The following PRKCB variants were observed in gnomAD, a reference collection of about 807,000 sequenced individuals.
PRKCB encodes protein kinase C beta, also known as protein kinase C beta type.
In PRKCB, 13 loss-of-function variants were observed where a neutral mutation model predicts 81.5. The ratio of observed to expected loss-of-function variants is 0.16; its 90% confidence interval spans 0.10 to 0.25. The LOEUF is 0.25. PRKCB is among the 10% of genes least tolerant of loss of function. PRKCB has a pLI of 1.00. For missense variants in PRKCB, 509 were observed against 875.7 expected, an observed-to-expected ratio of 0.58 and a Z score of 5.29; for synonymous variants, 335 against 321.4, an observed-to-expected ratio of 1.04 and a Z score of -0.45.
rs201855972 is a variant in PRKCB, at chr16:24,154,856, T to G, written c.1238T>G (p.Met413Arg). 1 of 1,613,190 alleles carries G rather than the reference T, an allele frequency of 6.2e-7. No homozygotes were observed. Among genetic ancestry groups the G allele is most frequent in the African/African-American group, 1.3e-5 (1 of 75,050 alleles). ...LTQLHSCFQT[M>R]DRLYFVMEYV... ...CAGCTCCACTCCTGCTTCCAGACCATGGTAACTTGTCCCATGGCCCTGGGT... is the reference window on the plus strand; with the variant it reads ...CAGCTCCACTCCTGCTTCCAGACCAGGGTAACTTGTCCCATGGCCCTGGGT... Residue 413 changes from methionine to arginine, a missense_variant and splice_region_variant, in exon 10 of 17, where the codon ATG becomes AGG. Physicochemically the swap from Met to Arg is moderately conservative, Grantham distance 91. Around this residue, in one of 6 missense-constraint regions of PRKCB, gnomAD observed 106 missense variants for 214.0 expected, o/e 0.50. Transcript: ENST00000643927.
intron 2 of PRKCB, among the ~76,000 whole-genome samples, chr16:23,938,023 A>C (rs921581131): frequency 4.6e-5 from 7 of 152,206 alleles, no homozygotes; most frequent in Admixed American, 4.6e-4. Context: ...AGAGAGCTGC[A>C]GTGGATGAGT....
intron 2 of PRKCB, among the ~76,000 whole-genome samples, chr16:23,922,837 T>C (rs921557833): frequency 1.1e-4 from 17 of 152,178 alleles, no homozygotes; most frequent in African/African-American, 4.1e-4. Context: ...ATGGGTAGAA[T>C]GGTGGCCAAT....
At chr16:24,166,534 T>C (rs1967349884) in intron 10 of PRKCB, among the ~76,000 whole-genome samples, 1 of 152,186 alleles carries the variant, frequency 6.6e-6, no homozygotes, top group African/African-American at 2.4e-5. Flanking sequence ...TTTTCCACAA[T>C]ATACGTTAAA....
chr16:23,870,303 G>A (rs1485556786), intron 2 of PRKCB, among the ~76,000 whole-genome samples: 4 of 152,182 alleles, frequency 2.6e-5, no homozygotes, highest in African/African-American at 9.7e-5. Flanking sequence ...TATCACCAAT[G>A]AGTGATATGT....
chr16:23,900,718 G>GTTTTTTTTTTTTTTTTTTTTT (rs56897816), intron 2 of PRKCB, among the ~76,000 whole-genome samples: 5 of 62,266 alleles, frequency 8.0e-5, no homozygotes, highest in African/African-American at 2.8e-4. Flanking sequence ...AGCTGCACAG[G>GTTTTTTTTTTTTTTTTTTTTT]TTTTTTTTTT....
chr16:23,840,693 A>C (rs1341355768), intron 2 of PRKCB, among the ~76,000 whole-genome samples: 1 of 152,208 alleles, frequency 6.6e-6, no homozygotes, highest in Non-Finnish European at 1.5e-5. Flanking sequence ...GAAACCATTG[A>C]GAGTAACCTT....
At chr16:24,068,898 A>T (rs1316967584) in intron 5 of PRKCB, among the ~76,000 whole-genome samples, 1 of 152,246 alleles carries the variant, frequency 6.6e-6, no homozygotes, top group Non-Finnish European at 1.5e-5. Flanking sequence ...ATAGTGAAGT[A>T]AAGGTTGCTA....
intron 3 of PRKCB, among the ~76,000 whole-genome samples, chr16:24,031,802 G>A (rs1965554177): frequency 6.6e-6 from 1 of 152,184 alleles, no homozygotes; most frequent in African/African-American, 2.4e-5. Context: ...TGATGTGTCT[G>A]TTACTTTGTT....
chr16:24,139,141 C>A (rs966314311), intron 9 of PRKCB, among the ~76,000 whole-genome samples: 1 of 151,980 alleles, frequency 6.6e-6, no homozygotes, highest in Non-Finnish European at 1.5e-5. Flanking sequence ...CGTGAGCCAC[C>A]GTGCCTGGCC....
At chr16:24,191,034 T>A (rs1359960681) in intron 15 of PRKCB, 56 bp from the exon 16 acceptor site, 1 of 1,573,384 alleles carries the variant, frequency 6.4e-7, no homozygotes, top group East Asian at 2.3e-5. Context: ...TTTCTGAGTG[T>A]CTTACATTTC....
At chr16:24,179,158 G>C (rs1315159173) in intron 12 of PRKCB, among the ~76,000 whole-genome samples, 1 of 152,170 alleles carries the variant, frequency 6.6e-6, no homozygotes, top group African/African-American at 2.4e-5. Flanking sequence ...TAACAGCTTT[G>C]ATTGGCCCAG....
intron 9 of PRKCB, among the ~76,000 whole-genome samples, chr16:24,147,322 AC>A (rs1219425012): frequency 2.6e-5 from 4 of 151,174 alleles, no homozygotes; most frequent in African/African-American, 4.9e-5. Flanking sequence ...AAAAAAAAAA[AC>A]TTCACAGCAT....
chr16:23,901,243 C>T (rs1963467436), intron 2 of PRKCB, among the ~76,000 whole-genome samples: 1 of 152,184 alleles, frequency 6.6e-6, no homozygotes, highest in Admixed American at 6.5e-5. Flanking sequence ...CAGCAAGAGC[C>T]TCTCTCTCTG....
chr16:24,191,355 G>C (rs776157421), intron 16 of PRKCB, 125 bp downstream of exon 16: 4 of 1,033,470 alleles, frequency 3.9e-6, no homozygotes, highest in Non-Finnish European at 5.6e-6. Context: ...ATGGGTGTAT[G>C]TATTCACACA....
At chr16:23,869,138 G>A (rs901717327) in intron 2 of PRKCB, 38 of 453,586 alleles carry the variant, frequency 8.4e-5, no homozygotes, top group Non-Finnish European at 1.5e-4. Context: ...CCTTCCCACT[G>A]ATGTGGAGCA....
intron 2 of PRKCB, among the ~76,000 whole-genome samples, chr16:23,859,022 T>C (rs1260926346): frequency 6.6e-6 from 1 of 152,126 alleles, no homozygotes; most frequent in Non-Finnish European, 1.5e-5. Flanking sequence ...TCACAGCTAC[T>C]TAGGAGGCTG....
At chr16:24,211,519 A>G (rs549924584) in intron 16 of PRKCB, among the ~76,000 whole-genome samples, 2 of 151,578 alleles carry the variant, frequency 1.3e-5, no homozygotes, top group South Asian at 4.2e-4. Context: ...GATAGTGGGT[A>G]GCATAATGCC....
At chr16:24,009,266 C>G (rs572598168) in intron 3 of PRKCB, among the ~76,000 whole-genome samples, 1 of 152,064 alleles carries the variant, frequency 6.6e-6, no homozygotes, top group Non-Finnish European at 1.5e-5. Flanking sequence ...TTTTGAGGAA[C>G]CTTCACACGG....
At chr16:24,140,609 T>C (rs1206423169) in intron 9 of PRKCB, among the ~76,000 whole-genome samples, 1 of 152,082 alleles carries the variant, frequency 6.6e-6, no homozygotes, top group Admixed American at 6.6e-5. Context: ...TATCCACTTC[T>C]GGGTGGGGTC....
Sources: allele counts gnomAD v4.1 joint callset (sites outside exome capture counted in the v4.1 genomes callset), GRCh38; gene constraint gnomAD v4.1.1; regional missense constraint gnomAD v4.1.1; transcripts MANE v1.5; gene names NCBI Gene and HGNC (gene_info 2026-07-23, HGNC 2026-07-21).